Variants in BMPR1A observed in about 807,000 individuals in gnomAD.
BMPR1A encodes bone morphogenetic protein receptor type-1A.
Under a neutral mutation model 66.0 loss-of-function variants are expected in BMPR1A, and 7 were observed. That is an observed-to-expected ratio of 0.11 (90% confidence interval 0.06 to 0.20). BMPR1A has a LOEUF of 0.20. Ranked by LOEUF, BMPR1A falls within the 10% of genes least tolerant of loss-of-function variation. The probability of loss-of-function intolerance (pLI) is 1.00; values close to 1 mark genes in which losing one functional copy is unlikely to be tolerated. For missense variants in BMPR1A, 408 were observed against 669.1 expected, an observed-to-expected ratio of 0.61 and a Z score of 4.31; for synonymous variants, 200 against 229.7, an observed-to-expected ratio of 0.87 and a Z score of 1.17.
chr10:86,862,371 C>T (rs968121487), intron 2 of BMPR1A, among the ~76,000 whole-genome samples: 5 of 152,068 alleles, frequency 3.3e-5, no homozygotes, highest in African/African-American at 9.7e-5. Flanking sequence ...GGACTGTGAG[C>T]GGCAGGTGCA....
At chr10:86,846,995 G>A (rs1343244185) in intron 2 of BMPR1A, among the ~76,000 whole-genome samples, 1 of 150,966 alleles carries the variant, frequency 6.6e-6, no homozygotes, top group East Asian at 1.9e-4. Flanking sequence ...TTATTTAGAG[G>A]TGGAGTCTCG....
chr10:86,864,991 C>T (rs986443681), intron 2 of BMPR1A, among the ~76,000 whole-genome samples: 2 of 152,238 alleles, frequency 1.3e-5, no homozygotes, highest in Non-Finnish European at 2.9e-5. Context: ...AAATTTTCGC[C>T]GCCCCAACAC....
chr10:86,841,410 A>G (rs2133125427), intron 2 of BMPR1A, among the ~76,000 whole-genome samples: 1 of 152,334 alleles, frequency 6.6e-6, no homozygotes, highest in Middle Eastern at 3.4e-3. Context: ...TTGAAAATAC[A>G]GGTGACCATG....
intron 7 of BMPR1A, among the ~76,000 whole-genome samples, chr10:86,904,035 C>A (rs1402279350): frequency 6.6e-6 from 1 of 152,206 alleles, no homozygotes. Flanking sequence ...TCCCAAGTAG[C>A]TGGGATTACA....
chr10:86,886,778 A>G (rs1307501659), intron 3 of BMPR1A, among the ~76,000 whole-genome samples: 1 of 150,390 alleles, frequency 6.6e-6, no homozygotes, highest in African/African-American at 2.4e-5. Flanking sequence ...TTTGACACCT[A>G]GGATGAGCCT....
At chr10:86,853,669 G>A (rs1381745100) in intron 2 of BMPR1A, among the ~76,000 whole-genome samples, 2 of 152,136 alleles carry the variant, frequency 1.3e-5, no homozygotes, top group Non-Finnish European at 2.9e-5. Context: ...GGGCGTCCGG[G>A]GGAGACATCA....
In BMPR1A at chr10:86,801,838, G is replaced by A. The variant is rs569677888; in HGVS notation, c.-267-37027G>A. 3.9e-5 allele frequency among the ~76,000 whole-genome samples: 6 copies of A among 151,934 alleles called. No individual in the cohort carries two copies. The East Asian group carries it at 1.2e-3, about 29-fold the overall frequency. On this transcript the variant is annotated intron_variant, in intron 1 of 12. Coordinates refer to ENST00000372037, the MANE Select transcript of BMPR1A (RefSeq NM_004329.3). ...CGCCATTCTCCTGCCTCAGACTCCC[G>A]AGTAGCTTGGACTACAGGCACCCGC...
At chr10:86,918,294 T>C (rs994608957) in intron 9 of BMPR1A, among the ~76,000 whole-genome samples, 5 of 141,236 alleles carry the variant, frequency 3.5e-5, no homozygotes, top group Non-Finnish European at 7.4e-5. Flanking sequence ...TAGACATGAA[T>C]TTTGTCGGGG....
Position 86,844,634 on chromosome 10 carries a change from ACT to A in BMPR1A, c.-153+5660_-153+5661del, listed in dbSNP as rs1242985966. On this transcript the variant is annotated intron_variant, in intron 2 of 12. Coordinates refer to ENST00000372037, the MANE Select transcript of BMPR1A (RefSeq NM_004329.3). Reference sequence around the variant, plus strand: ...TTGCAATATTTAGAAACAGTCTAATACTCTCTGTTGAAAATAATCACTAATTG... The same window carrying A: ...TTGCAATATTTAGAAACAGTCTAATACTCTGTTGAAAATAATCACTAATTG... 5.3e-5 allele frequency among the ~76,000 whole-genome samples: 8 copies of A among 152,180 alleles called. No individual in the cohort carries two copies. The South Asian group carries it at 6.2e-4, about 12-fold the overall frequency.
At chr10:86,831,102 A>G (rs975280185) in intron 1 of BMPR1A, among the ~76,000 whole-genome samples, 1 of 152,206 alleles carries the variant, frequency 6.6e-6, no homozygotes, top group Non-Finnish European at 1.5e-5. Context: ...CTGCATGGAT[A>G]AGACCACATT....
chr10:86,892,103 T>C, intron 4 of BMPR1A, 24 bp from the exon 5 acceptor site: 1 of 1,573,186 alleles, frequency 6.4e-7, no homozygotes, highest in East Asian at 2.2e-5. Flanking sequence ...ATGTTTTGTT[T>C]TGTTTTGTTT....
intron 1 of BMPR1A, among the ~76,000 whole-genome samples, chr10:86,837,825 G>A (rs1480257940): frequency 1.3e-5 from 2 of 152,182 alleles, no homozygotes; most frequent in African/African-American, 4.8e-5. Context: ...GCCGGACCAT[G>A]AAAGATACAG....
At chr10:86,845,080 A>G (rs909477398) in intron 2 of BMPR1A, among the ~76,000 whole-genome samples, 4 of 152,212 alleles carry the variant, frequency 2.6e-5, no homozygotes, top group African/African-American at 9.6e-5. Flanking sequence ...GTTTACAAGC[A>G]CAAGCAGTGT....
At chr10:86,814,104 A>T (rs1842004463) in intron 1 of BMPR1A, among the ~76,000 whole-genome samples, 1 of 152,130 alleles carries the variant, frequency 6.6e-6, no homozygotes, top group Non-Finnish European at 1.5e-5. Flanking sequence ...CTGCAATTTT[A>T]CTATATCTTG....
chr10:86,873,273 A>C (rs905543277), intron 2 of BMPR1A, among the ~76,000 whole-genome samples: 1 of 152,034 alleles, frequency 6.6e-6, no homozygotes, highest in African/African-American at 2.4e-5. Flanking sequence ...GGTACCTAAC[A>C]CTGGGTCGGT....
At chr10:86,914,253 A>G (rs974756036) in intron 8 of BMPR1A, among the ~76,000 whole-genome samples, 6 of 152,236 alleles carry the variant, frequency 3.9e-5, no homozygotes, top group African/African-American at 1.4e-4. Flanking sequence ...CTCTATACCA[A>G]ATTAACTTGA....
chr10:86,894,665 G>A (rs904860782), intron 5 of BMPR1A, among the ~76,000 whole-genome samples: 2 of 152,080 alleles, frequency 1.3e-5, no homozygotes, highest in African/African-American at 2.4e-5. Context: ...GTGAACCTTC[G>A]GACAAGGTGC....
At chr10:86,769,584 G>A (rs376662302) in intron 1 of BMPR1A, among the ~76,000 whole-genome samples, 3 of 152,190 alleles carry the variant, frequency 2.0e-5, no homozygotes, top group African/African-American at 7.2e-5. Flanking sequence ...TTATTAAGAT[G>A]TGGCAGAATT....
intron 1 of BMPR1A, among the ~76,000 whole-genome samples, chr10:86,787,159 TAATC>T (rs1841529147): frequency 6.6e-6 from 1 of 152,188 alleles, no homozygotes; most frequent in Admixed American, 6.5e-5. Context: ...CAATCAATGA[TAATC>T]AATGGATTTT....
Sources: gnomAD v4.1 joint callset for allele counts (sites outside exome capture counted in the v4.1 genomes callset) on GRCh38, gnomAD v4.1.1 for gene constraint, MANE v1.5 for transcripts, NCBI Gene and HGNC (gene_info 2026-07-23, HGNC 2026-07-21) for gene names.